The following EFHC1 variants were observed in gnomAD, a reference collection of about 807,000 sequenced individuals.
The protein encoded by EFHC1 is EF-hand domain-containing protein 1.
In EFHC1, 53 loss-of-function variants were observed where a neutral mutation model predicts 69.9. That is an observed-to-expected ratio of 0.76 (90% CI 0.61 to 0.95). The LOEUF is 0.95. Ranked by LOEUF, EFHC1 falls within the 40% of genes least tolerant of loss-of-function variation. The pLI is 0.00. For missense variants in EFHC1, 739 were observed against 798.7 expected (o/e 0.93, Z 0.90); for synonymous variants, 256 against 278.4 (o/e 0.92, Z 0.80).
At chr6:52,432,788 A>G (rs983726685) in intron 2 of EFHC1, among the ~76,000 whole-genome samples, 1 of 151,972 alleles carries the variant, frequency 6.6e-6, no homozygotes, top group Admixed American at 6.6e-5. Context: ...TGTTTTCCAG[A>G]CTTTTAGATT....
chr6:52,431,783 C>G (rs1037047115), intron 2 of EFHC1, among the ~76,000 whole-genome samples: 1 of 152,096 alleles, frequency 6.6e-6, no homozygotes, highest in Non-Finnish European at 1.5e-5. Flanking sequence ...CTGGCTAGTG[C>G]TATCAGTGGA....
At position 52,496,935 on chromosome 6, in the gene EFHC1, GCAGCCATGTAAGTGACAC is replaced by G. The variant is rs1168424310; in HGVS notation, c.*4599_*4616del. The stretch of plus-strand genomic sequence containing the variant: ...ACACAGCAAGCAGCTACAGCCAACA[GCAGCCATGTAAGTGACAC>G]CAGCAATCCCCACTATTACTAATAC... On this transcript the variant is annotated 3_prime_UTR_variant, in exon 11 of 11. Transcript: ENST00000371068. The G allele has an allele frequency of 1.3e-5, 2 of 152,322 alleles. No individual in the cohort carries two copies. Among genetic ancestry groups the G allele is most frequent in the Non-Finnish European group, 2.9e-5 (2 of 68,026 alleles). 9.4% of individuals were successfully genotyped at this position (152,322 alleles called of 1,614,324 possible).
At chr6:52,471,750 C>A (rs1765440177) in intron 7 of EFHC1, among the ~76,000 whole-genome samples, 2 of 152,080 alleles carry the variant, frequency 1.3e-5, no homozygotes, top group Admixed American at 6.5e-5. Flanking sequence ...CACCTGTAAT[C>A]CCAGGTACTC....
intron 3 of EFHC1, among the ~76,000 whole-genome samples, chr6:52,448,502 C>T (rs1450359443): frequency 1.3e-5 from 2 of 152,164 alleles, no homozygotes; most frequent in African/African-American, 2.4e-5. Flanking sequence ...AGGGAATTCC[C>T]CGACCCCTTG....
intron 2 of EFHC1, among the ~76,000 whole-genome samples, chr6:52,432,817 T>C (rs188627196): frequency 6.6e-6 from 1 of 152,174 alleles, no homozygotes; most frequent in East Asian, 1.9e-4. Context: ...TCAGGAATGC[T>C]GATTATTCTT....
Position 52,492,800 on chromosome 6 carries a change from A to G in EFHC1, c.*459A>G. On this transcript the variant is annotated 3_prime_UTR_variant, in exon 11 of 11. Transcript: ENST00000371068. Reference sequence around the variant, plus strand: ...CAGCTAATTTTTAAAATTATTTTGTAGAGACAAGGTCTTGCTAGGTTGCCT... The same window carrying G: ...CAGCTAATTTTTAAAATTATTTTGTGGAGACAAGGTCTTGCTAGGTTGCCT... The G allele has an allele frequency of 2.3e-6, 1 of 437,178 alleles. No individual in the cohort carries two copies. Among genetic ancestry groups the G allele is most frequent in the South Asian group, 1.6e-5 (1 of 60,920 alleles). 27.1% of individuals were successfully genotyped at this position (437,178 alleles called of 1,614,324 possible).
intron 3 of EFHC1, among the ~76,000 whole-genome samples, chr6:52,448,195 C>T (rs567446160): frequency 7.9e-5 from 12 of 152,350 alleles, no homozygotes; most frequent in Admixed American, 7.2e-4. Context: ...GCAGGCAGGC[C>T]TCCTTGAGGT....
Position 52,490,144 on chromosome 6 carries a change from C to T in EFHC1, c.1645C>T (p.Gln549Ter), listed in dbSNP as rs1294082267. ...EAPAPEAESKQTEKDPGVQEL... is the reference protein window; with the variant it reads ...EAPAPEAESK Reference sequence around the variant, plus strand: ...ATTTCCTTCCTTTCTCTACAGCAAGCAAACTGAAAAGGATCCAGGCGTGCA... The same window carrying T: ...ATTTCCTTCCTTTCTCTACAGCAAGTAAACTGAAAAGGATCCAGGCGTGCA... The change falls in exon 10 of 11, where the codon CAA becomes TAA. Residue 549 changes from glutamine to a stop codon, truncating the protein, a stop_gained. Transcript: ENST00000371068. LOFTEE classifies it high-confidence loss of function. 6.2e-7 allele frequency: 1 copy of T among 1,613,644 alleles called. No individual in the cohort carries two copies. The highest frequency in any genetic ancestry group is 1.1e-5 in the South Asian group (1 of 91,054).
chr6:52,434,414 G>C (rs2021942), intron 2 of EFHC1, among the ~76,000 whole-genome samples: 28,325 of 152,114 alleles, frequency 0.19, 3,098 homozygotes, highest in Admixed American at 0.33. Flanking sequence ...CCAGCTCCAG[G>C]TAAGGTCAGA....
chr6:52,478,931 A>G, intron 7 of EFHC1, 106 bp from the exon 8 acceptor site: 12 of 1,070,774 alleles, frequency 1.1e-5, no homozygotes, highest in Non-Finnish European at 1.6e-5. Flanking sequence ...GTAAAAACCC[A>G]GACTGCTTCA....
At chr6:52,482,479 T>C (rs761919188) in intron 9 of EFHC1, 1 of 255,834 alleles carries the variant, frequency 3.9e-6, no homozygotes, top group Non-Finnish European at 7.3e-6. Flanking sequence ...TTAAAGTGTT[T>C]TATTTCTTTA....
chr6:52,444,167 A>G (rs1320670500), intron 3 of EFHC1, among the ~76,000 whole-genome samples: 1 of 152,232 alleles, frequency 6.6e-6, no homozygotes, highest in Non-Finnish European at 1.5e-5. Context: ...GAAGTTGCTT[A>G]TCAGCTTAAG....
At chr6:52,421,161 A>C in intron 1 of EFHC1, 1 of 575,306 alleles carries the variant, frequency 1.7e-6, no homozygotes, top group Non-Finnish European at 2.2e-6. Flanking sequence ...TCCTCTCCCC[A>C]TTCCTTTCTT....
In EFHC1 at chr6:52,493,526, C is replaced by A. The variant is rs1312363075; in HGVS notation, c.*1185C>A. On this transcript the variant is annotated 3_prime_UTR_variant, in exon 11 of 11. Transcript: ENST00000371068. ...AATTAGCCAGGTGTGGTGGCGTGTG[C>A]CTGTAGTCCCAGCCACTCGGGAGGC... 4.8e-6 allele frequency: 2 copies of A among 413,278 alleles called. No homozygotes were observed. The highest frequency in any genetic ancestry group is 3.5e-5 in the South Asian group (2 of 56,682). 25.6% of individuals were successfully genotyped at this position (413,278 alleles called of 1,614,324 possible). A position where few individuals can be genotyped will look rare whatever the true frequency, so the allele number is the denominator to read the frequency against.
chr6:52,465,143 T>C, intron 6 of EFHC1, 28 bp downstream of exon 6: 1 of 1,594,842 alleles, frequency 6.3e-7, no homozygotes, highest in Non-Finnish European at 8.6e-7. Context: ...CTTAGTGTGG[T>C]GAGAAAACTA....
chr6:52,457,091 G>T lies in EFHC1; in HGVS notation c.916+2804G>T, dbSNP rs147265448. On this transcript the variant is annotated intron_variant, in intron 5 of 10. Coordinates refer to ENST00000371068, the MANE Select transcript of EFHC1 (RefSeq NM_018100.4). ...CAATTAAACAAGAGGTAAATAATCTGCTATGGGAACCATTTCACATGCTAA... is the reference window on the plus strand; with the variant it reads ...CAATTAAACAAGAGGTAAATAATCTTCTATGGGAACCATTTCACATGCTAA... Among the ~76,000 whole-genome samples the T allele has an allele frequency of 5.2e-3, 785 of 152,282 alleles. 6 individuals are homozygous for T. Among genetic ancestry groups the T allele is most frequent in the Middle Eastern group, 0.024 (7 of 294 alleles).
chr6:52,440,437 TCAC>T lies in EFHC1; in HGVS notation c.573+1849_573+1851del, dbSNP rs1764636161. Among the ~76,000 whole-genome samples the T allele has an allele frequency of 2.0e-5, 3 of 151,950 alleles. No individual in the cohort carries two copies. In the South Asian group the frequency reaches 6.2e-4, roughly 31 times the overall value. ...CACTGGGACCCTTTAAACAGCAAAA[TCAC>T]CAACAAAAAACACAAAAATGCAAAA... On this transcript the variant is annotated intron_variant, in intron 3 of 10. Coordinates refer to ENST00000371068, the MANE Select transcript of EFHC1 (RefSeq NM_018100.4).
chr6:52,469,414 A>C lies in EFHC1; in HGVS notation c.1219A>C (p.Lys407Gln). ...CFALIPKAPK[K>Q]DVIKMLVNDN... is the part of the protein sequence containing the mutation. ...TGCTCTCATTCCAAAAGCTCCAAAA[A>C]AAGACGTTATTAAAATGCTGGTGAA... Residue 407 changes from lysine (K) to glutamine (Q), a missense_variant, in exon 7 of 11, where the codon AAA (lysine) becomes CAA (glutamine). Transcript: ENST00000371068. The C allele has an allele frequency of 1.2e-6, 2 of 1,614,092 alleles. No individual in the cohort carries two copies. Among genetic ancestry groups the C allele is most frequent in the Non-Finnish European group, 1.7e-6 (2 of 1,179,962 alleles).
intron 3 of EFHC1, among the ~76,000 whole-genome samples, chr6:52,448,226 C>T (rs975140134): frequency 1.7e-4 from 26 of 152,188 alleles, no homozygotes; most frequent in Admixed American, 9.8e-4. Context: ...CCACCCAGTT[C>T]GAGCTTCCCA....
Sources: gnomAD v4.1 joint callset for allele counts (sites outside exome capture counted in the v4.1 genomes callset) on GRCh38, gnomAD v4.1.1 for gene constraint, MANE v1.5 for transcripts, NCBI Gene and HGNC (gene_info 2026-07-23, HGNC 2026-07-21) for gene names.